LAMTOR4: variants seen among roughly 807,000 people sequenced by gnomAD.
LAMTOR4 encodes the protein late endosomal/lysosomal adaptor, MAPK and MTOR activator 4, also known as ragulator complex protein LAMTOR4.
A neutral mutation model predicts 13.5 loss-of-function variants in LAMTOR4; 11 were observed. The ratio of observed to expected loss-of-function variants is 0.82; its 90% CI spans 0.51 to 1.35. The LOEUF (loss-of-function observed/expected upper bound fraction) is 1.35, where lower values mean the gene tolerates loss of function less well. LAMTOR4 is among the 40% of genes most tolerant of loss of function. LAMTOR4 has a pLI of 0.00. For synonymous variants in LAMTOR4, 69 were observed against 52.3 expected, an observed-to-expected ratio of 1.32 and a Z score of -1.38; for missense variants, 128 against 126.2, an observed-to-expected ratio of 1.01 and a Z score of -0.07.
chr7:100,153,315 T>G, intron 2 of LAMTOR4, 85 bp from the exon 3 acceptor site: 125 of 959,244 alleles, frequency 1.3e-4, no homozygotes, highest in Non-Finnish European at 1.8e-4. Flanking sequence ...GGTCTAAGTG[T>G]GAGAACCAAG....
intron 3 of LAMTOR4, 163 bp downstream of exon 3, chr7:100,153,680 A>C: frequency 1.3e-6 from 1 of 763,278 alleles, no homozygotes; most frequent in East Asian, 2.6e-5. Context: ...GTGAATGAGA[A>C]GGCAAGAGAA....
chr7:100,149,307 G>T, intron 1 of LAMTOR4, 192 bp from the exon 2 acceptor site: 2 of 633,782 alleles, frequency 3.2e-6, no homozygotes. Flanking sequence ...GGGCGAGAGT[G>T]GGGGCAGATG....
At chr7:100,151,531 G>A (rs1032948247) in intron 2 of LAMTOR4, among the ~76,000 whole-genome samples, 34 of 151,898 alleles carry the variant, frequency 2.2e-4, no homozygotes, top group Non-Finnish European at 8.8e-5. Flanking sequence ...TGGGACTACA[G>A]GCGCCCGCCA....
At chr7:100,150,277 G>A (rs941954896) in intron 2 of LAMTOR4, among the ~76,000 whole-genome samples, 2 of 152,222 alleles carry the variant, frequency 1.3e-5, no homozygotes, top group Non-Finnish European at 2.9e-5. Context: ...AAAGCTTAAG[G>A]TTAAGGGTTG....
chr7:100,153,164 A>T (rs1254153475), intron 2 of LAMTOR4, among the ~76,000 whole-genome samples: 1 of 151,254 alleles, frequency 6.6e-6, no homozygotes, highest in Non-Finnish European at 1.5e-5. Flanking sequence ...AAAAAAAAAA[A>T]GATGGATAAG....
intron 2 of LAMTOR4, chr7:100,149,833 T>C: frequency 2.9e-6 from 1 of 347,804 alleles, no homozygotes; most frequent in Non-Finnish European, 5.5e-6. Context: ...TGGAGTGCAG[T>C]GGTGCGACCT....
At chr7:100,149,143 G>C in intron 1 of LAMTOR4, 168 bp downstream of exon 1, 1 of 870,578 alleles carries the variant, frequency 1.1e-6, no homozygotes, top group Non-Finnish European at 1.7e-6. Flanking sequence ...TGCTGGGGAG[G>C]GGTCTGTGGG....
chr7:100,153,508 C>T lies in LAMTOR4; in HGVS notation c.193C>T (p.Arg65Cys), dbSNP rs1344849728. The change falls in exon 3 of 4, where the codon CGC (arginine) becomes TGC (cysteine). Residue 65 changes from arginine (R) to cysteine (C), a missense_variant. By Grantham distance (180) the Arg-to-Cys change is radical. Transcript: ENST00000341942. ...LHRGMNVPFKRLSVVFGEHTL... is the reference protein window; with the variant it reads ...LHRGMNVPFKCLSVVFGEHTL... The stretch of plus-strand genomic sequence containing the variant: ...CCGCGGCATGAATGTGCCCTTCAAG[C>T]GCCTGTCTGGTGAGCCCCTGCCCCT... The T allele has an allele frequency of 4.4e-6, 7 of 1,606,846 alleles. No individual in the cohort carries two copies. The highest frequency in any genetic ancestry group is 2.7e-5 in the African/African-American group (2 of 75,058).
At chr7:100,151,556 T>C (rs1798703537) in intron 2 of LAMTOR4, among the ~76,000 whole-genome samples, 1 of 151,570 alleles carries the variant, frequency 6.6e-6, no homozygotes, top group Non-Finnish European at 1.5e-5. Flanking sequence ...GCCCGGCTAC[T>C]TTTTTGTATT....
At position 100,150,756 on chromosome 7, in the gene LAMTOR4, C is replaced by T. The variant is rs187598706; in HGVS notation, c.84+1177C>T. Among the ~76,000 whole-genome samples, 570 of 151,782 alleles carry T rather than the reference C, an allele frequency of 3.8e-3. 2 individuals are homozygous for T. The highest frequency in any genetic ancestry group is 0.012 in the African/African-American group (506 of 41,404). ...ATTCTAGCACTTTGGGAGGCCAAGGCGGGCGGATCACGAGGTCAGGAGATC... is the reference window on the plus strand; with the variant it reads ...ATTCTAGCACTTTGGGAGGCCAAGGTGGGCGGATCACGAGGTCAGGAGATC... On this transcript the variant is annotated intron_variant, in intron 2 of 3. Coordinates refer to ENST00000341942, the MANE Select transcript of LAMTOR4 (RefSeq NM_001008395.4).
At chr7:100,153,152 A>G (rs1324166273) in intron 2 of LAMTOR4, among the ~76,000 whole-genome samples, 3 of 134,206 alleles carry the variant, frequency 2.2e-5, no homozygotes, top group African/African-American at 8.3e-5. Flanking sequence ...TCAAAAAAGA[A>G]AAAAAAAAAA....
intron 2 of LAMTOR4, among the ~76,000 whole-genome samples, chr7:100,151,770 CATT>C (rs1798711576): frequency 6.6e-6 from 1 of 151,648 alleles, no homozygotes; most frequent in South Asian, 2.1e-4. Flanking sequence ...GATCACATCT[CATT>C]GTAGCCTTGA....
chr7:100,149,810 T>C (rs1389114371), intron 2 of LAMTOR4: 3 of 416,626 alleles, frequency 7.2e-6, no homozygotes, highest in African/African-American at 2.0e-5. Flanking sequence ...AGTTTCGTTC[T>C]TGTTGCCCAA....
Position 100,153,954 on chromosome 7 carries a change from T to A in LAMTOR4, c.290T>A (p.Ile97Asn). ...VKRQNRGREPIDV is the reference protein window; with the variant it reads ...VKRQNRGREPNDV ...AGGCAGAACCGAGGTCGGGAGCCCATTGATGTCTGAGCCTGCCGGAGGGCG... is the reference window on the plus strand; with the variant it reads ...AGGCAGAACCGAGGTCGGGAGCCCAATGATGTCTGAGCCTGCCGGAGGGCG... Residue 97 changes from isoleucine (I) to asparagine (N), a missense_variant, in exon 4 of 4, where the codon ATT (isoleucine) becomes AAT (asparagine). Coordinates refer to ENST00000341942, the MANE Select transcript of LAMTOR4 (RefSeq NM_001008395.4). The A allele has an allele frequency of 6.3e-7, 1 of 1,586,072 alleles. No homozygotes were observed. Among genetic ancestry groups the A allele is most frequent in the South Asian group, 1.2e-5 (1 of 86,696 alleles).
chr7:100,153,298 G>A (rs1798765242), intron 2 of LAMTOR4, 102 bp from the exon 3 acceptor site: 4 of 805,794 alleles, frequency 5.0e-6, no homozygotes, highest in South Asian at 1.6e-5. Flanking sequence ...CAAGCCAAGG[G>A]GGAGAGGGTC....
chr7:100,150,602 GGTT>G (rs1472436745), intron 2 of LAMTOR4, among the ~76,000 whole-genome samples: 1 of 152,164 alleles, frequency 6.6e-6, no homozygotes, highest in Admixed American at 6.5e-5. Flanking sequence ...CAGTTTGAAA[GGTT>G]TTTTAAAACA....
rs747870612 is a variant in LAMTOR4 at position 100,153,484 on chromosome 7, C to T, written c.169C>T (p.Arg57Cys). 43 of 1,609,040 alleles carry T rather than the reference C, an allele frequency of 2.7e-5. No homozygotes were observed. Among genetic ancestry groups the T allele is most frequent in the Admixed American group, 8.3e-5 (5 of 60,012 alleles). The change falls in exon 3 of 4, where the codon CGC becomes TGC. Residue 57 changes from arginine (R) to cysteine (C), a missense_variant. By Grantham distance (180) the Arg-to-Cys change is radical (BLOSUM62 -3). Coordinates refer to ENST00000341942, the MANE Select transcript of LAMTOR4 (RefSeq NM_001008395.4). The part of the protein sequence containing the change: ...VSTACGFRLH[R>C]GMNVPFKRLS... ...CACAGCCTGCGGTTTCCGGCTGCAC[C>T]GCGGCATGAATGTGCCCTTCAAGCG...
intron 3 of LAMTOR4, 122 bp downstream of exon 3, chr7:100,153,639 C>G: frequency 1.1e-6 from 1 of 932,278 alleles, no homozygotes; most frequent in Non-Finnish European, 1.7e-6. Flanking sequence ...TGGCCACTTT[C>G]CTCCCTTTGG....
intron 3 of LAMTOR4, 86 bp from the exon 4 acceptor site, chr7:100,153,781 G>T (rs1057199437): frequency 1.0e-6 from 1 of 964,242 alleles, no homozygotes; most frequent in Non-Finnish European, 1.6e-6. Context: ...TGTGCGTGTG[G>T]CCCCGCCCCA....
Sources: gnomAD v4.1 joint callset for allele counts (sites outside exome capture counted in the v4.1 genomes callset) on GRCh38, gnomAD v4.1.1 for gene constraint, MANE v1.5 for transcripts, NCBI Gene and HGNC (gene_info 2026-07-23, HGNC 2026-07-21) for gene names.